PARD3B: variants seen among roughly 807,000 people sequenced by gnomAD.
The protein encoded by PARD3B is partitioning defective 3 homolog B.
In PARD3B, 103 loss-of-function variants were observed where a neutral mutation model predicts 130.2. The ratio of observed to expected loss-of-function variants is 0.79; its 90% confidence interval spans 0.67 to 0.93. The LOEUF is 0.93. Among genes scored for constraint, PARD3B ranks in the 40% least tolerant of loss-of-function variants. The pLI is 0.00. For synonymous variants in PARD3B, 583 were observed against 553.2 expected (o/e 1.05, Z -0.76); for missense variants, 1,609 against 1,499.2 (o/e 1.07, Z -1.21).
At chr2:205,302,356 A>G (rs1288406820) in intron 18 of PARD3B, among the ~76,000 whole-genome samples, 3 of 148,496 alleles carry the variant, frequency 2.0e-5, no homozygotes, top group African/African-American at 7.4e-5. Flanking sequence ...CAGGCAGGAG[A>G]CCCTATTTCT....
intron 18 of PARD3B, among the ~76,000 whole-genome samples, chr2:205,398,874 T>A: frequency 6.6e-6 from 1 of 152,298 alleles, no homozygotes; most frequent in South Asian, 2.1e-4. Flanking sequence ...TTCTTCAAAA[T>A]TTATATGTCA....
chr2:205,177,458 C>T (rs970339801), intron 13 of PARD3B, among the ~76,000 whole-genome samples: 2 of 151,976 alleles, frequency 1.3e-5, no homozygotes, highest in Non-Finnish European at 2.9e-5. Flanking sequence ...CATTATATGC[C>T]TCTTAGTCAT....
At chr2:204,878,472 C>T (rs974969367) in intron 2 of PARD3B, among the ~76,000 whole-genome samples, 2 of 151,986 alleles carry the variant, frequency 1.3e-5, no homozygotes, top group Non-Finnish European at 2.9e-5. Context: ...GCCATTTTTC[C>T]TTCCAAATAC....
intron 19 of PARD3B, among the ~76,000 whole-genome samples, chr2:205,413,605 G>A (rs1226861587): frequency 5.3e-5 from 8 of 152,076 alleles, no homozygotes; most frequent in Admixed American, 1.3e-4. Context: ...GACTTTCCCT[G>A]GGCTATGAAA....
chr2:204,551,504 G>C (rs1023745821), intron 1 of PARD3B, among the ~76,000 whole-genome samples: 10 of 152,062 alleles, frequency 6.6e-5, no homozygotes, highest in Non-Finnish European at 1.0e-4. Context: ...TGGCCTGCTG[G>C]TGGGCATTTG....
intron 2 of PARD3B, among the ~76,000 whole-genome samples, chr2:204,926,579 A>G (rs2125765491): frequency 6.6e-6 from 1 of 152,194 alleles, no homozygotes; most frequent in South Asian, 2.1e-4. Context: ...GCAGCTGTGG[A>G]TCTCCTCACA....
rs1040619086 is a variant in PARD3B, at chr2:205,116,709, G to A, written c.681-2212G>A. ...TTGGTCTGGATGAAATCAAACTGGA[G>A]GGAATCTATCCCTTCCACGGAGCAG... On this transcript the variant is annotated intron_variant, in intron 6 of 22. Transcript: ENST00000406610. This position sits in a 1 kb window ranked among gnomAD's most constrained non-coding sequence, Gnocchi z 4.5. Among the ~76,000 whole-genome samples the A allele has an allele frequency of 7.2e-5, 11 of 152,090 alleles. No homozygotes were observed. The highest frequency in any genetic ancestry group is 2.1e-4 in the South Asian group (1 of 4,826).
intron 1 of PARD3B, among the ~76,000 whole-genome samples, chr2:204,548,194 A>G (rs1287257963): frequency 6.6e-6 from 1 of 152,156 alleles, no homozygotes; most frequent in Non-Finnish European, 1.5e-5. Flanking sequence ...ACCCTAACAA[A>G]TTCCATGCTT....
At chr2:204,729,998 AAC>A (rs3036396) in intron 2 of PARD3B, among the ~76,000 whole-genome samples, 6,728 of 141,340 alleles carry the variant, frequency 0.048, 179 homozygotes, top group Middle Eastern at 0.12. Context: ...CACACACACA[AAC>A]ACACACACAC....
At chr2:204,567,499 G>A (rs951267573) in intron 1 of PARD3B, among the ~76,000 whole-genome samples, 9 of 152,138 alleles carry the variant, frequency 5.9e-5, no homozygotes, top group Middle Eastern at 3.2e-3. Context: ...TTCATTTAGC[G>A]TAATAATGTC....
chr2:205,414,887 A>C (rs1326326598), intron 19 of PARD3B, among the ~76,000 whole-genome samples: 2 of 152,146 alleles, frequency 1.3e-5, no homozygotes, highest in Admixed American at 6.5e-5. Flanking sequence ...CTTTAAAAAA[A>C]AGTAAAATTT....
intron 11 of PARD3B, among the ~76,000 whole-genome samples, chr2:205,169,930 C>CTTTTTTT (rs200935015): frequency 7.9e-6 from 1 of 126,640 alleles, no homozygotes. Context: ...TTCCCCCCAC[C>CTTTTTTT]CTTTTTTTTT....
At position 205,015,244 on chromosome 2, in the gene PARD3B, A is replaced by G. The variant is rs1003089822; in HGVS notation, c.395-32337A>G. ...TATCAAGGAAATCATAAGGAAGACA[A>G]AATATATTTACTATTCATTAAATGG... is the stretch of plus-strand genomic sequence containing the variant. On this transcript the variant is annotated intron_variant, in intron 3 of 22. Coordinates refer to ENST00000406610, the MANE Select transcript of PARD3B (RefSeq NM_001302769.2). This position sits in a 1 kb window ranked among gnomAD's most constrained non-coding sequence, Gnocchi z 4.5. Among the ~76,000 whole-genome samples, 2 of 152,208 alleles carry G rather than the reference A, an allele frequency of 1.3e-5. No homozygotes were observed. The highest frequency in any genetic ancestry group is 2.4e-5 in the African/African-American group (1 of 41,456).
At chr2:204,663,810 G>T (rs1265118505) in intron 1 of PARD3B, among the ~76,000 whole-genome samples, 3 of 152,150 alleles carry the variant, frequency 2.0e-5, no homozygotes, top group Non-Finnish European at 4.4e-5. Flanking sequence ...TTATAAATTT[G>T]GTAATTAGAC....
In PARD3B at chr2:205,291,352, A is replaced by G. The variant is rs2041601291; in HGVS notation, c.2186-9178A>G. ...AGTCTTCTTAGATGATACCCACATA[A>G]TCTTGAATAGAACGTTGGTAGAAAT... On this transcript the variant is annotated intron_variant, in intron 16 of 22. Transcript: ENST00000406610. This position sits in a 1 kb window ranked among gnomAD's most constrained non-coding sequence, Gnocchi z 4.6. 6.6e-6 allele frequency among the ~76,000 whole-genome samples: 1 copy of G among 152,220 alleles called. No individual in the cohort carries two copies. The highest frequency in any genetic ancestry group is 1.5e-5 in the Non-Finnish European group (1 of 68,040).
chr2:204,972,742 C>T (rs565962021), intron 3 of PARD3B, among the ~76,000 whole-genome samples: 8 of 152,174 alleles, frequency 5.3e-5, no homozygotes, highest in Non-Finnish European at 1.2e-4. Context: ...ACCATCTCCC[C>T]TTTGGCCTCT....
rs145883886 is a variant in PARD3B, at chr2:205,172,143, C to G, written c.1621-68C>G. 3,076 of 1,443,270 alleles carry G rather than the reference C, an allele frequency of 2.1e-3. 65 individuals are homozygous for G. In the African/African-American group the frequency reaches 0.039, roughly 18 times the overall value. 89.4% of individuals were successfully genotyped at this position (1,443,270 alleles called of 1,614,324 possible). A position where few individuals can be genotyped will look rare whatever the true frequency, so the allele number is the denominator to read the frequency against. On this transcript the variant is annotated intron_variant, in intron 11 of 22. Transcript: ENST00000406610. ...TTTCATTTTTAAACTTGAACTTTTC[C>G]CCAAAACGCCACATGTCATCACCAT... is the stretch of plus-strand genomic sequence containing the variant.
At chr2:205,544,017 ATT>A (rs2052281451) in intron 21 of PARD3B, among the ~76,000 whole-genome samples, 1 of 152,170 alleles carries the variant, frequency 6.6e-6, no homozygotes, top group South Asian at 2.1e-4. Flanking sequence ...GAGGGTTAGC[ATT>A]GTCTGTTTTG....
intron 20 of PARD3B, among the ~76,000 whole-genome samples, chr2:205,466,631 GTTTA>G (rs2106242793): frequency 6.6e-6 from 1 of 152,318 alleles, no homozygotes; most frequent in African/African-American, 2.4e-5. Flanking sequence ...CAATGGCTGT[GTTTA>G]TTCCATCATT....
Sources: allele counts gnomAD v4.1 joint callset (sites outside exome capture counted in the v4.1 genomes callset), GRCh38; gene constraint gnomAD v4.1.1; non-coding constraint Gnocchi (gnomAD v3.1); transcripts MANE v1.5; gene names NCBI Gene and HGNC (gene_info 2026-07-23, HGNC 2026-07-21).